Variants in ZC4H2 observed in about 807,000 individuals in gnomAD.
ZC4H2 encodes zinc finger C4H2 domain-containing protein.
For synonymous variants in ZC4H2, 84 were observed against 66.3 expected, an observed-to-expected ratio of 1.27 and a Z score of -1.30; for missense variants, 137 against 173.9, an observed-to-expected ratio of 0.79 and a Z score of 1.19.
At chrX:64,963,321 C>A (rs1463868888) in intron 1 of ZC4H2, among the ~76,000 whole-genome samples, 3 of 111,556 alleles carry the variant, frequency 2.7e-5, no homozygotes, top group African/African-American at 9.8e-5. Flanking sequence ...TCTGAAACTA[C>A]AAAACTCCTA....
At position 64,916,165 on chromosome X, in the gene ZC4H2, T is replaced by A. The variant is rs1170917068; in HGVS notation, c.*1618A>T. 8.9e-6 allele frequency: 1 copy of A among 112,073 alleles called. No homozygotes were observed. The highest frequency in any genetic ancestry group is 2.8e-4 in the East Asian group (1 of 3,574). 9.2% of individuals were successfully genotyped at this position (112,073 alleles called of 1,213,427 possible). A position where few individuals can be genotyped will look rare whatever the true frequency, so the allele number is the denominator to read the frequency against. ...TTTTTGGAGGTTCAGTATCCCTTTT[T>A]TTTTAAAATGGTGATAAGAATACTT... On this transcript the variant is annotated 3_prime_UTR_variant, in exon 5 of 5. Transcript: ENST00000374839.
rs189801128 is a variant in ZC4H2, at chrX:64,958,567, C to T, written c.53+17758G>A. On this transcript the variant is annotated intron_variant, in intron 1 of 4. Coordinates refer to ENST00000374839, the MANE Select transcript of ZC4H2 (RefSeq NM_018684.4). Reference sequence around the variant, plus strand: ...CTGTTGACTCTTCCAGGGACAGACTCCCACTTTGCCTCAATCTCCCCACCT... The same window carrying T: ...CTGTTGACTCTTCCAGGGACAGACTTCCACTTTGCCTCAATCTCCCCACCT... 5.4e-5 allele frequency among the ~76,000 whole-genome samples: 6 copies of T among 111,668 alleles called. No individual in the cohort carries two copies. The Admixed American group carries it at 5.7e-4, about 11-fold the overall frequency.
chrX:64,937,816 C>T (rs1451293715), intron 1 of ZC4H2, among the ~76,000 whole-genome samples: 1 of 111,188 alleles, frequency 9.0e-6, no homozygotes, highest in Non-Finnish European at 1.9e-5. Context: ...CACTAAATCC[C>T]CACAAGAGAA....
Position 64,919,197 on chromosome X carries a change from C to T in ZC4H2, c.406G>A (p.Glu136Lys), listed in dbSNP as rs751880978. 1.2e-5 allele frequency: 15 copies of T among 1,209,378 alleles called. No individual in the cohort carries two copies. In the South Asian group the frequency reaches 2.6e-4, roughly 21 times the overall value. Residue 136 changes from glutamate (E) to lysine (K), a missense_variant, in exon 4 of 5, where the codon GAG becomes AAG. Transcript: ENST00000374839. Reference sequence around the variant, plus strand: ...GTCTGCCATTCTGCTTTCTGCTTCTCAAAGTAACTTTGGAGATGAGAGACA... The same window carrying T: ...GTCTGCCATTCTGCTTTCTGCTTCTTAAAGTAACTTTGGAGATGAGAGACA... ...EEEKLSLDYF[E>K]KQKAEWQTEP...
intron 1 of ZC4H2, among the ~76,000 whole-genome samples, chrX:65,034,286 T>C (rs1224516518): frequency 9.1e-6 from 1 of 109,735 alleles, no homozygotes; most frequent in African/African-American, 3.3e-5. Flanking sequence ...AACCAGAGAG[T>C]ATGCTGTTGC....
At chrX:64,966,408 A>G (rs1481290942) in intron 1 of ZC4H2, among the ~76,000 whole-genome samples, 4 of 112,536 alleles carry the variant, frequency 3.6e-5, no homozygotes, top group Non-Finnish European at 7.5e-5. Flanking sequence ...AAAAAGTTAT[A>G]CATATACTTA....
intron 1 of ZC4H2, among the ~76,000 whole-genome samples, chrX:64,954,350 ATATAAT>A (rs1180664573): frequency 5.7e-5 from 4 of 70,795 alleles, no homozygotes; most frequent in African/African-American, 3.1e-4. Flanking sequence ...TTATATATAT[ATATAAT>A]TATATATATA....
intron 1 of ZC4H2, among the ~76,000 whole-genome samples, chrX:64,948,154 T>C (rs1330003612): frequency 1.8e-5 from 2 of 111,169 alleles, no homozygotes; most frequent in Admixed American, 1.9e-4. Context: ...GTTTTGGAGC[T>C]TCATGGATTT....
At chrX:64,976,232 T>C in intron 1 of ZC4H2, 93 bp downstream of exon 1, 1 of 1,030,013 alleles carries the variant, frequency 9.7e-7, no homozygotes. Flanking sequence ...CCTTTCCAGC[T>C]CCTCTAGACA....
chrX:64,934,865 A>G (rs1183942308), intron 1 of ZC4H2, among the ~76,000 whole-genome samples: 4 of 111,285 alleles, frequency 3.6e-5, no homozygotes, highest in Non-Finnish European at 5.7e-5. Flanking sequence ...CGGTGCCTAC[A>G]CCACCAGGAC....
intron 1 of ZC4H2, among the ~76,000 whole-genome samples, chrX:64,957,697 T>TA (rs1420397784): frequency 7.4e-5 from 8 of 107,997 alleles, no homozygotes; most frequent in South Asian, 4.1e-4. Flanking sequence ...CTATCTCTAT[T>TA]AAAAAAATAT....
chrX:65,023,664 TA>T, intron 1 of ZC4H2, among the ~76,000 whole-genome samples: 1 of 111,678 alleles, frequency 9.0e-6, no homozygotes, highest in East Asian at 2.8e-4. Flanking sequence ...GGTGGGAGTG[TA>T]AATTGATTCA....
chrX:64,958,582 T>C (rs1931254062), intron 1 of ZC4H2, among the ~76,000 whole-genome samples: 1 of 111,434 alleles, frequency 9.0e-6, no homozygotes. Context: ...TTTGCCTCAA[T>C]CTCCCCACCT....
At chrX:65,016,565 T>C (rs1197947147) in intron 1 of ZC4H2, among the ~76,000 whole-genome samples, 2 of 111,806 alleles carry the variant, frequency 1.8e-5, no homozygotes. Flanking sequence ...TAGAATAAAG[T>C]TAGAAGATGA....
At chrX:65,002,424 C>T (rs1311539126) in intron 1 of ZC4H2, among the ~76,000 whole-genome samples, 2 of 108,169 alleles carry the variant, frequency 1.8e-5, no homozygotes, top group Non-Finnish European at 3.9e-5. Flanking sequence ...CCCGGCCAGC[C>T]GCCCCATCCG....
intron 1 of ZC4H2, among the ~76,000 whole-genome samples, chrX:65,027,942 T>C (rs1053894773): frequency 1.8e-5 from 2 of 111,696 alleles, no homozygotes; most frequent in Admixed American, 1.9e-4. Context: ...AAAGCAGAGA[T>C]CTGAGCACCT....
chrX:64,949,458 C>G (rs1930687890), intron 1 of ZC4H2, among the ~76,000 whole-genome samples: 1 of 111,300 alleles, frequency 9.0e-6, no homozygotes, highest in African/African-American at 3.3e-5. Context: ...ATGGCCTTCC[C>G]AAAATCAAAT....
At chrX:64,921,337 CT>C (rs1234651359) in intron 2 of ZC4H2, among the ~76,000 whole-genome samples, 1 of 111,777 alleles carries the variant, frequency 8.9e-6, no homozygotes, top group Non-Finnish European at 1.9e-5. Context: ...AGCTTACCAC[CT>C]TAGCAGACAG....
intron 1 of ZC4H2, among the ~76,000 whole-genome samples, chrX:64,944,768 T>C (rs1260686496): frequency 8.9e-6 from 1 of 111,899 alleles, no homozygotes; most frequent in African/African-American, 3.3e-5. Flanking sequence ...TTGGAGGCTT[T>C]GTTCGCTCCT....
Sources: allele counts gnomAD v4.1 joint callset (sites outside exome capture counted in the v4.1 genomes callset), GRCh38; gene constraint gnomAD v4.1.1; transcripts MANE v1.5; gene names NCBI Gene and HGNC (gene_info 2026-07-23, HGNC 2026-07-21).